Variants in ADAMTS15 observed in about 807,000 individuals in gnomAD.
ADAMTS15 encodes the protein A disintegrin and metalloproteinase with thrombospondin motifs 15.
ADAMTS15 carries 35 observed loss-of-function variants against 79.1 expected under a neutral mutation model. The ratio of observed to expected loss-of-function variants is 0.44; its 90% confidence interval spans 0.34 to 0.59. The LOEUF is 0.59. Among genes scored for constraint, ADAMTS15 ranks in the 20% least tolerant of loss-of-function variants. The probability of loss-of-function intolerance (pLI) is 0.02; values close to 1 mark genes in which losing one functional copy is unlikely to be tolerated. For synonymous variants in ADAMTS15, 616 were observed against 567.3 expected (o/e 1.09, Z -1.22); for missense variants, 1,324 against 1,318.7 (o/e 1.00, Z -0.06).
chr11:130,473,341 G>A lies in ADAMTS15; in HGVS notation c.2373G>A (p.Pro791=), dbSNP rs749082783. The A allele has an allele frequency of 2.8e-5, 45 of 1,612,800 alleles. No homozygotes were observed. Among genetic ancestry groups the A allele is most frequent in the South Asian group, 2.1e-4 (19 of 91,084 alleles). ...TCCTCTCCGTGGGGAAGATGACACC[G>A]CCCCGGGTCCGCTACTCCTTCTATC... ...VEVLSVGKMT[P]PRVRYSFYLP... Residue 791 remains proline, a synonymous_variant, in exon 8 of 8, where the codon CCG becomes CCA. Transcript: ENST00000299164.
intron 5 of ADAMTS15, among the ~76,000 whole-genome samples, chr11:130,470,202 ATATATATG>A (rs1938420338): frequency 6.3e-5 from 4 of 63,076 alleles, no homozygotes; most frequent in Non-Finnish European, 9.1e-5. Context: ...ATATATATAT[ATATATATG>A]TATATATATA....
At position 130,473,331 on chromosome 11, in the gene ADAMTS15, A is replaced by C; in HGVS notation, c.2363A>C (p.Lys788Thr). ...PLTVEVLSVGKMTPPRVRYSF... is the reference protein window; with the variant it reads ...PLTVEVLSVGTMTPPRVRYSF... The stretch of plus-strand genomic sequence containing the variant: ...ACCGTGGAGGTCCTCTCCGTGGGGA[A>C]GATGACACCGCCCCGGGTCCGCTAC... Residue 788 changes from lysine to threonine, a missense_variant, in exon 8 of 8, where the codon AAG becomes ACG. Physicochemically the swap from Lys to Thr is moderately conservative, Grantham distance 78. Coordinates refer to ENST00000299164, the MANE Select transcript of ADAMTS15 (RefSeq NM_139055.4). 1.2e-6 allele frequency: 2 copies of C among 1,612,962 alleles called. No individual in the cohort carries two copies. The highest frequency in any genetic ancestry group is 2.2e-5 in the South Asian group (2 of 91,080).
rs1041202175 is a variant in ADAMTS15, at chr11:130,472,327, G to A, written c.2079-720G>A. 5.9e-5 allele frequency among the ~76,000 whole-genome samples: 9 copies of A among 152,264 alleles called. No homozygotes were observed. The highest frequency in any genetic ancestry group is 1.9e-4 in the East Asian group (1 of 5,178). ...TGCCCAGCCCTGTCTCTGGGAGCTC[G>A]GGCACCAGGGACGGATGGCATTCCA... On this transcript the variant is annotated intron_variant, in intron 7 of 7. Transcript: ENST00000299164. This position sits in a 1 kb window ranked among gnomAD's most constrained non-coding sequence, Gnocchi z 4.7.
intron 1 of ADAMTS15, among the ~76,000 whole-genome samples, chr11:130,461,118 G>A (rs981002925): frequency 2.6e-5 from 4 of 152,202 alleles, no homozygotes; most frequent in African/African-American, 7.2e-5. Context: ...TTGCCTCAGC[G>A]AGCCTCCCTT....
intron 4 of ADAMTS15, among the ~76,000 whole-genome samples, chr11:130,466,093 G>A (rs949437642): frequency 1.3e-5 from 2 of 152,020 alleles, no homozygotes; most frequent in African/African-American, 2.4e-5. Context: ...GGCTGGTCTC[G>A]AACTCCTGAC....
rs1210275181 is a variant in ADAMTS15, at chr11:130,472,146, G to A, written c.2078+763G>A. On this transcript the variant is annotated intron_variant, in intron 7 of 7. Transcript: ENST00000299164. The surrounding 1 kb of genome is among the most constrained non-coding windows in gnomAD (Gnocchi z 4.7). ...AAGAGGGGGTAGGCAGGGCACCTGA[G>A]GTCCCAGTTAGGGGTGGAGGCTATG... Among the ~76,000 whole-genome samples the A allele has an allele frequency of 2.0e-5, 3 of 152,250 alleles. No homozygotes were observed. Among genetic ancestry groups the A allele is most frequent in the Non-Finnish European group, 4.4e-5 (3 of 68,044 alleles).
In ADAMTS15 at chr11:130,462,061, C is replaced by CTCAG. The variant is rs1565394234; in HGVS notation, c.1091-23_1091-20dup. 6.2e-7 allele frequency: 1 copy of CTCAG among 1,600,664 alleles called. No individual in the cohort carries two copies. The highest frequency in any genetic ancestry group is 1.7e-5 in the Admixed American group (1 of 59,548). ...ACCCCCATGTCCTTCCTCCTGCCCTCTCAGTCCTCTTGCCTTACCCCACAG... is the reference window on the plus strand; with the variant it reads ...ACCCCCATGTCCTTCCTCCTGCCCTCTCAGTCAGTCCTCTTGCCTTACCCCACAG... On this transcript the variant is annotated intron_variant, in intron 2 of 7. Coordinates refer to ENST00000299164, the MANE Select transcript of ADAMTS15 (RefSeq NM_139055.4). This position sits in a 1 kb window ranked among gnomAD's most constrained non-coding sequence, Gnocchi z 4.3.
chr11:130,449,570 G>A lies in ADAMTS15; in HGVS notation c.597G>A (p.Gly199=), dbSNP rs745402015. The part of the protein sequence containing the change: ...DPYKPRRAGF[G]ESRSRRRSGR... ...ACAAGCCGCGGCGGGCGGGCTTCGG[G>A]GAGAGTCGTAGCCGGCGCAGGTCTG... The change falls in exon 1 of 8, where the codon GGG becomes GGA. Residue 199 remains glycine, a synonymous_variant. Transcript: ENST00000299164. The surrounding 1 kb of genome is among the most constrained non-coding windows in gnomAD (Gnocchi z 7.8). 12 of 1,591,022 alleles carry A rather than the reference G, an allele frequency of 7.5e-6. No homozygotes were observed. In the African/African-American group the frequency reaches 1.3e-4, roughly 18 times the overall value.
At chr11:130,463,710 C>T (rs149638457) in intron 4 of ADAMTS15, among the ~76,000 whole-genome samples, 18 of 152,258 alleles carry the variant, frequency 1.2e-4, no homozygotes, top group African/African-American at 4.1e-4. Context: ...AACCTTCAAC[C>T]GTTGGCTAGG....
chr11:130,469,534 AG>A, intron 5 of ADAMTS15, 95 bp downstream of exon 5: 2 of 997,052 alleles, frequency 2.0e-6, no homozygotes, highest in Non-Finnish European at 2.6e-6. Context: ...CATGGCCTCC[AG>A]GTAATTGGGT....
intron 4 of ADAMTS15, among the ~76,000 whole-genome samples, chr11:130,465,673 C>T (rs1039708239): frequency 2.0e-5 from 3 of 152,054 alleles, no homozygotes; most frequent in South Asian, 2.1e-4. Flanking sequence ...CTGCACACTA[C>T]GAAGGTCAGT....
intron 4 of ADAMTS15, among the ~76,000 whole-genome samples, chr11:130,464,030 G>A (rs548901636): frequency 1.1e-4 from 17 of 152,256 alleles, no homozygotes; most frequent in African/African-American, 3.6e-4. Context: ...GCAAGGAGGC[G>A]GGCGGTCCTG....
chr11:130,453,222 C>A (rs1938001093), intron 1 of ADAMTS15, among the ~76,000 whole-genome samples: 1 of 151,466 alleles, frequency 6.6e-6, no homozygotes, highest in African/African-American at 2.4e-5. Context: ...TCGTCAGATG[C>A]CCTCTCCTCC....
Position 130,462,484 on chromosome 11 carries a change from C to A in ADAMTS15, c.1259-13C>A. ...CCCAGCTCATCCTAACGAACGCCCTCGGCTCTCTGCAGGTGACTGCCTCCT... is the reference window on the plus strand; with the variant it reads ...CCCAGCTCATCCTAACGAACGCCCTAGGCTCTCTGCAGGTGACTGCCTCCT... On this transcript the variant is annotated splice_polypyrimidine_tract_variant and intron_variant, in intron 3 of 7. Transcript: ENST00000299164. The surrounding 1 kb of genome is among the most constrained non-coding windows in gnomAD (Gnocchi z 4.3). 1 of 1,572,922 alleles carries A rather than the reference C, an allele frequency of 6.4e-7. No individual in the cohort carries two copies. The highest frequency in any genetic ancestry group is 8.7e-7 in the Non-Finnish European group (1 of 1,154,624).
rs1209555626 is a variant in ADAMTS15 at position 130,462,385 on chromosome 11, A to G, written c.1259-112A>G. ...TGCCCCCTCGGAGCCGGGCTCTGAC[A>G]TGAGTGCATTCCTGTTGCCCTTGGT... On this transcript the variant is annotated intron_variant, in intron 3 of 7. Transcript: ENST00000299164. The surrounding 1 kb of genome is among the most constrained non-coding windows in gnomAD (Gnocchi z 4.3). The G allele has an allele frequency of 6.7e-6, 10 of 1,493,318 alleles. No individual in the cohort carries two copies. Among genetic ancestry groups the G allele is most frequent in the Non-Finnish European group, 6.3e-6 (7 of 1,112,068 alleles). 92.5% of individuals were successfully genotyped at this position (1,493,318 alleles called of 1,614,324 possible). A position where few individuals can be genotyped will look rare whatever the true frequency, so the allele number is the denominator to read the frequency against.
intron 1 of ADAMTS15, among the ~76,000 whole-genome samples, chr11:130,459,611 G>A (rs540550657): frequency 6.6e-6 from 1 of 152,332 alleles, no homozygotes; most frequent in Admixed American, 6.5e-5. Context: ...AGAAGTGGAG[G>A]TAGTGCTTCC....
chr11:130,461,759 C>T (rs1371277096), intron 2 of ADAMTS15, 138 bp downstream of exon 2: 3 of 1,345,718 alleles, frequency 2.2e-6, no homozygotes, highest in Admixed American at 5.0e-5. Context: ...TTAGCAGCAG[C>T]TTTGTACTTT....
intron 7 of ADAMTS15, among the ~76,000 whole-genome samples, chr11:130,471,634 G>A (rs1414029574): frequency 1.3e-5 from 2 of 152,136 alleles, no homozygotes; most frequent in Non-Finnish European, 1.5e-5. Context: ...ACAGGAGATG[G>A]TATTCAGGAA....
chr11:130,473,414 C>A lies in ADAMTS15; in HGVS notation c.2446C>A (p.Arg816=). The stretch of plus-strand genomic sequence containing the variant: ...CAAGTCCTCTCATCCCAAGGACCCC[C>A]GGGGACCCTCTGTCTTGCACAACAG... ...EDKSSHPKDP[R]GPSVLHNSVL... The change falls in exon 8 of 8, where the codon CGG becomes AGG. Residue 816 remains arginine (R), a synonymous_variant. Transcript: ENST00000299164. The A allele has an allele frequency of 6.2e-7, 1 of 1,612,798 alleles. No homozygotes were observed. The highest frequency in any genetic ancestry group is 8.5e-7 in the Non-Finnish European group (1 of 1,179,992).
Sources: gnomAD v4.1 joint callset for allele counts (sites outside exome capture counted in the v4.1 genomes callset) on GRCh38, gnomAD v4.1.1 for gene constraint, Gnocchi (gnomAD v3.1) non-coding constraint, MANE v1.5 for transcripts, NCBI Gene and HGNC (gene_info 2026-07-23, HGNC 2026-07-21) for gene names.